DAB1: variants seen among roughly 807,000 people sequenced by gnomAD.
DAB1 encodes DAB adaptor protein 1, also known as disabled homolog 1.
A neutral mutation model predicts 64.6 loss-of-function variants in DAB1; 15 were observed. The observed-to-expected ratio is 0.23, with a 90% CI of 0.16 to 0.36. The LOEUF (loss-of-function observed/expected upper bound fraction) is 0.36. DAB1 is among the 10% of genes least tolerant of loss of function. The probability of loss-of-function intolerance (pLI) is 1.00; values close to 1 mark genes in which losing one functional copy is unlikely to be tolerated. For missense variants in DAB1, 596 were observed against 706.7 expected (o/e 0.84, Z 1.78); for synonymous variants, 235 against 251.9 (o/e 0.93, Z 0.64).
chr1:57,158,127 T>G (rs1660412386), intron 2 of DAB1, among the ~76,000 whole-genome samples: 1 of 152,158 alleles, frequency 6.6e-6, no homozygotes, highest in African/African-American at 2.4e-5. Context: ...GAATAGTTAC[T>G]AGGACCATAG....
At chr1:58,473,264 C>T (rs931395882) in intron 3 of DAB1, among the ~76,000 whole-genome samples, 19 of 152,246 alleles carry the variant, frequency 1.2e-4, no homozygotes, top group Middle Eastern at 3.4e-3. Context: ...ACATGGGGGC[C>T]GGGCGCGGTG....
intron 14 of DAB1, 34 bp downstream of exon 14, chr1:57,010,646 A>T: frequency 8.4e-7 from 1 of 1,184,552 alleles, no homozygotes; most frequent in Non-Finnish European, 1.2e-6. Context: ...CAGATAGCTT[A>T]AGGGTAAAGG....
intron 7 of DAB1, among the ~76,000 whole-genome samples, chr1:57,547,233 T>G (rs1370676524): frequency 6.7e-6 from 1 of 149,114 alleles, no homozygotes; most frequent in Admixed American, 6.6e-5. Flanking sequence ...GTTACCCAAC[T>G]GAAGTACTAT....
At chr1:58,450,691 TTGCAGTGAGCTGAGATCGCGCCAC>T (rs1645125691) in intron 3 of DAB1, among the ~76,000 whole-genome samples, 1 of 152,078 alleles carries the variant, frequency 6.6e-6, no homozygotes, top group Non-Finnish European at 1.5e-5. Flanking sequence ...GAGGCGGAGA[TTGCAGTGAGCTGAGATCGCGCCAC>T]TGCACTCCAG....
downstream of DAB1, among the ~76,000 whole-genome samples, chr1:57,823,159 A>T (rs926531465): frequency 2.6e-5 from 4 of 151,696 alleles, no homozygotes; most frequent in African/African-American, 9.7e-5. Context: ...TAATTTTTGT[A>T]TTTTTAGTAG....
intron 9 of DAB1, chr1:57,033,387 T>A (rs1013614255): frequency 9.9e-6 from 16 of 1,612,866 alleles, no homozygotes; most frequent in Non-Finnish European, 1.4e-5. Context: ...AGGCCTTACC[T>A]TCGTTGCCTC....
At chr1:57,138,167 T>C (rs181571281) in intron 3 of DAB1, among the ~76,000 whole-genome samples, 17 of 152,310 alleles carry the variant, frequency 1.1e-4, no homozygotes, top group African/African-American at 4.1e-4. Flanking sequence ...GGAAATTCCC[T>C]CTTTCACACA....
intron 6 of DAB1, among the ~76,000 whole-genome samples, chr1:57,795,721 A>G: frequency 7.5e-6 from 1 of 132,718 alleles, no homozygotes; most frequent in Non-Finnish European, 1.6e-5. Context: ...ATATATATAT[A>G]TATATATATA....
At position 58,168,138 on chromosome 1, in the gene DAB1, G is replaced by C. The variant is rs376969083; in HGVS notation, n.310-17550C>G. On this transcript the variant is annotated intron_variant and non_coding_transcript_variant, in intron 4 of 20. Coordinates refer to the DAB1 transcript ENST00000485760. ...CCTGTCAGCCAGTTAAAAGAGACTA[G>C]CACAGCTGCCAGATTAAAGACATGG... Among the ~76,000 whole-genome samples the C allele has an allele frequency of 3.1e-3, 471 of 152,290 alleles. 23 individuals carry two copies. The South Asian group carries it at 0.093, about 30-fold the overall frequency.
intron 5 of DAB1, among the ~76,000 whole-genome samples, chr1:57,908,358 C>T (rs1316626495): frequency 6.6e-6 from 1 of 152,064 alleles, no homozygotes; most frequent in African/African-American, 2.4e-5. Context: ...CCACTGATGT[C>T]CTTTTCAACA....
At chr1:58,439,382 A>G (rs1644982767) in intron 3 of DAB1, among the ~76,000 whole-genome samples, 1 of 152,138 alleles carries the variant, frequency 6.6e-6, no homozygotes, top group South Asian at 2.1e-4. Flanking sequence ...TCCCTTCAGT[A>G]AAGAAACATT....
At chr1:57,071,447 G>T in intron 6 of DAB1, 75 bp downstream of exon 6, 1 of 1,523,440 alleles carries the variant, frequency 6.6e-7, no homozygotes, top group South Asian at 1.3e-5. Flanking sequence ...AGGAAGAGAA[G>T]GCCTGACTGT....
chr1:58,090,764 CAG>C (rs931012120), intron 5 of DAB1, among the ~76,000 whole-genome samples: 1 of 152,304 alleles, frequency 6.6e-6, no homozygotes, highest in African/African-American at 2.4e-5. Context: ...CAGCCCAGTA[CAG>C]AGTCACACAG....
intron 3 of DAB1, among the ~76,000 whole-genome samples, chr1:58,461,959 C>A (rs1645245998): frequency 6.6e-6 from 1 of 152,160 alleles, no homozygotes; most frequent in South Asian, 2.1e-4. Flanking sequence ...CACAATCATG[C>A]TGCTCTCCCT....
chr1:57,392,009 A>T (rs978438213), intron 1 of DAB1, among the ~76,000 whole-genome samples: 9 of 152,070 alleles, frequency 5.9e-5, no homozygotes, highest in African/African-American at 2.2e-4. Context: ...ACCAGATCAG[A>T]CTCATTCAGG....
At chr1:58,003,750 T>C (rs1272959074) in intron 5 of DAB1, among the ~76,000 whole-genome samples, 2 of 152,184 alleles carry the variant, frequency 1.3e-5, no homozygotes, top group African/African-American at 4.8e-5. Flanking sequence ...TTGTTGGTCA[T>C]CACTGTCAGA....
intron 6 of DAB1, among the ~76,000 whole-genome samples, chr1:57,783,362 A>G (rs138788881): frequency 1.3e-5 from 2 of 152,102 alleles, no homozygotes; most frequent in East Asian, 3.9e-4. Context: ...TTGGTCTCCC[A>G]AAGTGTGGGG....
chr1:58,331,585 C>A (rs756658687), intron 4 of DAB1, among the ~76,000 whole-genome samples: 1 of 152,194 alleles, frequency 6.6e-6, no homozygotes, highest in Non-Finnish European at 1.5e-5. Context: ...ATTGCCACAA[C>A]CACCCCAGCC....
At position 57,990,127 on chromosome 1, in the gene DAB1, A is replaced by C. The variant is rs568885110; in HGVS notation, n.388-105965T>G. On this transcript the variant is annotated intron_variant and non_coding_transcript_variant, in intron 5 of 20. Transcript: ENST00000485760. ...GGCAGGAATAGCCAGCTGGTCAAGC[A>C]GCAGAGTGTCTCCTCAGCTCCCAGG... Among the ~76,000 whole-genome samples, 7 of 152,324 alleles carry C rather than the reference A, an allele frequency of 4.6e-5. No individual in the cohort carries two copies. In the East Asian group the frequency reaches 1.4e-3, roughly 29 times the overall value.
Sources: gnomAD v4.1 joint callset for allele counts (sites outside exome capture counted in the v4.1 genomes callset) on GRCh38, gnomAD v4.1.1 for gene constraint, MANE v1.5 for transcripts, NCBI Gene and HGNC (gene_info 2026-07-23, HGNC 2026-07-21) for gene names.